Variants in PID1 observed in about 807,000 individuals in gnomAD.
PID1 encodes PTB-containing, cubilin and LRP1-interacting protein.
PID1 carries 10 observed loss-of-function variants against 19.1 expected under a neutral mutation model. The ratio of observed to expected loss-of-function variants is 0.52; its 90% CI spans 0.32 to 0.89. The LOEUF (loss-of-function observed/expected upper bound fraction) is 0.89. Among genes scored for constraint, PID1 ranks in the 40% least tolerant of loss-of-function variants. PID1 has a pLI of 0.03. For synonymous variants in PID1, 130 were observed against 116.0 expected (o/e 1.12, Z -0.78); for missense variants, 248 against 285.3 (o/e 0.87, Z 0.94).
chr2:229,146,914 C>T (rs1158876060), intron 2 of PID1, among the ~76,000 whole-genome samples: 2 of 152,222 alleles, frequency 1.3e-5, no homozygotes, highest in Admixed American at 6.5e-5. Context: ...AATGGATTGT[C>T]CCCCTAGAGC....
intron 2 of PID1, among the ~76,000 whole-genome samples, chr2:229,105,529 C>G (rs529909346): frequency 6.6e-6 from 1 of 152,184 alleles, no homozygotes; most frequent in South Asian, 2.1e-4. Flanking sequence ...AACTTGACAG[C>G]CCTTACAATT....
Position 229,025,872 on chromosome 2 carries a change from G to A in PID1, c.414C>T (p.Ala138=), listed in dbSNP as rs372569322. The A allele has an allele frequency of 2.2e-5, 35 of 1,614,118 alleles. No homozygotes were observed. Among genetic ancestry groups the A allele is most frequent in the Middle Eastern group, 1.6e-4 (1 of 6,084 alleles). ...FQVARIAYCT[A]DHNVSPNIFA... Reference sequence around the variant, plus strand: ...AGATGTTGGGGCTCACGTTGTGGTCGGCGGTGCAGTAGGCGATGCGGGCCA... The same window carrying A: ...AGATGTTGGGGCTCACGTTGTGGTCAGCGGTGCAGTAGGCGATGCGGGCCA... Residue 138 remains alanine (A), a synonymous_variant, in exon 3 of 3, where the codon GCC becomes GCT. Transcript: ENST00000392055.
At chr2:229,147,728 C>T (rs1690165116) in intron 2 of PID1, among the ~76,000 whole-genome samples, 1 of 152,058 alleles carries the variant, frequency 6.6e-6, no homozygotes. Context: ...CATTTTTTCA[C>T]TAATGAATCT....
intron 2 of PID1, among the ~76,000 whole-genome samples, chr2:229,095,049 C>T (rs958419426): frequency 6.6e-6 from 1 of 152,098 alleles, no homozygotes; most frequent in African/African-American, 2.4e-5. Flanking sequence ...AATTAACTAA[C>T]ATGCCAAAGA....
At chr2:229,136,255 C>T (rs79659111) in intron 2 of PID1, among the ~76,000 whole-genome samples, 7 of 152,196 alleles carry the variant, frequency 4.6e-5, no homozygotes, top group East Asian at 1.9e-4. Context: ...ATCACCTGAA[C>T]GAGGTTAGAA....
At chr2:229,180,434 G>A (rs1432482888) in intron 1 of PID1, among the ~76,000 whole-genome samples, 1 of 152,118 alleles carries the variant, frequency 6.6e-6, no homozygotes, top group East Asian at 1.9e-4. Flanking sequence ...GAAAAAAAAA[G>A]TCTCAAAATG....
Position 229,025,520 on chromosome 2 carries a change from G to T in PID1, c.*112C>A. The stretch of plus-strand genomic sequence containing the variant: ...TGCTCTTCTGAATTTAAAAACCTTG[G>T]TCAGCCAATAGTTTGGCAGTCTTTT... On this transcript the variant is annotated 3_prime_UTR_variant, in exon 3 of 3. Transcript: ENST00000392055. The T allele has an allele frequency of 1.3e-6, 1 of 770,550 alleles. No individual in the cohort carries two copies. Among genetic ancestry groups the T allele is most frequent in the Non-Finnish European group, 2.2e-6 (1 of 455,482 alleles). The allele number at this position is 770,550 out of a possible 1,614,324, so 47.7% of individuals were successfully genotyped here.
chr2:229,149,493 T>C (rs934214906), intron 2 of PID1, among the ~76,000 whole-genome samples: 1 of 152,104 alleles, frequency 6.6e-6, no homozygotes, highest in Non-Finnish European at 1.5e-5. Context: ...TATTTAAGGG[T>C]TACCTGCAAA....
chr2:229,147,150 C>T (rs1310453332), intron 2 of PID1, among the ~76,000 whole-genome samples: 2 of 152,138 alleles, frequency 1.3e-5, no homozygotes, highest in East Asian at 1.9e-4. Flanking sequence ...AGACAAATCA[C>T]AAGTTAAATG....
chr2:229,141,450 T>C (rs1026545499), intron 2 of PID1, among the ~76,000 whole-genome samples: 2 of 152,150 alleles, frequency 1.3e-5, no homozygotes, highest in Non-Finnish European at 2.9e-5. Context: ...GAATGAGCTG[T>C]CTGGTAAGTA....
intron 2 of PID1, among the ~76,000 whole-genome samples, chr2:229,027,617 C>A (rs1285109497): frequency 6.6e-6 from 1 of 152,000 alleles, no homozygotes; most frequent in African/African-American, 2.4e-5. Flanking sequence ...CAGAAGGCCT[C>A]AGGAAGAGGC....
chr2:229,045,295 G>C (rs1434734492), intron 2 of PID1, among the ~76,000 whole-genome samples: 1 of 152,146 alleles, frequency 6.6e-6, no homozygotes, highest in Non-Finnish European at 1.5e-5. Flanking sequence ...TTTTCTTTTG[G>C]ATGTTGGTCT....
intron 2 of PID1, among the ~76,000 whole-genome samples, chr2:229,062,181 A>G (rs1178470662): frequency 6.6e-6 from 1 of 151,964 alleles, no homozygotes; most frequent in Non-Finnish European, 1.5e-5. Flanking sequence ...TTTAGAGAAA[A>G]AGGTTTCATC....
At chr2:229,038,122 T>A (rs1360465989) in intron 2 of PID1, among the ~76,000 whole-genome samples, 1 of 152,306 alleles carries the variant, frequency 6.6e-6, no homozygotes, top group South Asian at 2.1e-4. Context: ...GAGATTCTAG[T>A]AAGCAACCAG....
At chr2:229,193,809 T>G (rs1408860036) in intron 1 of PID1, among the ~76,000 whole-genome samples, 1 of 149,902 alleles carries the variant, frequency 6.7e-6, no homozygotes, top group Non-Finnish European at 1.5e-5. Flanking sequence ...CCTTTCAAAG[T>G]AATTTATCCG....
chr2:229,254,090 G>A (rs563617969), intron 1 of PID1, among the ~76,000 whole-genome samples: 5 of 152,194 alleles, frequency 3.3e-5, no homozygotes, highest in Non-Finnish European at 5.9e-5. Context: ...GGGAGAAAGT[G>A]TCTAATCAAT....
chr2:229,056,644 G>A (rs941648019), intron 2 of PID1, among the ~76,000 whole-genome samples: 2 of 144,388 alleles, frequency 1.4e-5, no homozygotes, highest in Non-Finnish European at 3.0e-5. Flanking sequence ...TTTGACTATA[G>A]CCCTTTCACC....
chr2:229,167,907 T>C (rs563388582), intron 1 of PID1, among the ~76,000 whole-genome samples: 4 of 152,318 alleles, frequency 2.6e-5, no homozygotes, highest in East Asian at 1.9e-4. Context: ...ACATCACTTG[T>C]ACATTTTCAA....
chr2:229,076,564 C>A (rs1409515246), intron 2 of PID1, among the ~76,000 whole-genome samples: 1 of 151,996 alleles, frequency 6.6e-6, no homozygotes, highest in Non-Finnish European at 1.5e-5. Flanking sequence ...CCCCAACAGG[C>A]CCCAGTGTGT....
Sources: gnomAD v4.1 joint callset for allele counts (sites outside exome capture counted in the v4.1 genomes callset) on GRCh38, gnomAD v4.1.1 for gene constraint, MANE v1.5 for transcripts, NCBI Gene and HGNC (gene_info 2026-07-23, HGNC 2026-07-21) for gene names.